GBF1: variants seen among roughly 807,000 people sequenced by gnomAD.
GBF1 encodes Golgi-specific brefeldin A-resistance guanine nucleotide exchange factor 1.
In GBF1, 114 loss-of-function variants were observed where a neutral mutation model predicts 210.5. The observed-to-expected ratio is 0.54, with a 90% CI of 0.47 to 0.63. GBF1 has a LOEUF of 0.63. Among genes scored for constraint, GBF1 ranks in the 30% least tolerant of loss-of-function variants. The pLI is 0.00. For missense variants in GBF1, 1,851 were observed against 2,357.7 expected (o/e 0.79, Z 4.45); for synonymous variants, 850 against 889.2 (o/e 0.96, Z 0.78).
At chr10:102,368,651 G>C (rs1449373100) in intron 22 of GBF1, 88 bp from the exon 23 acceptor site, 3 of 951,146 alleles carry the variant, frequency 3.2e-6, no homozygotes, top group African/African-American at 1.6e-5. Context: ...GGACTGACTG[G>C]GGAAGAGCCC....
intron 3 of GBF1, among the ~76,000 whole-genome samples, chr10:102,302,203 G>A (rs936587094): frequency 1.3e-5 from 2 of 152,200 alleles, no homozygotes; most frequent in South Asian, 2.1e-4. Flanking sequence ...GCAGTGAGCC[G>A]AGATGGCGGG....
At chr10:102,301,508 C>T (rs1336184307) in intron 3 of GBF1, among the ~76,000 whole-genome samples, 7 of 152,156 alleles carry the variant, frequency 4.6e-5, no homozygotes, top group African/African-American at 9.7e-5. Flanking sequence ...ACCTCCCAGA[C>T]GGGGCGGCTG....
At chr10:102,299,262 GA>G (rs1315912144) in intron 3 of GBF1, among the ~76,000 whole-genome samples, 2 of 152,150 alleles carry the variant, frequency 1.3e-5, no homozygotes, top group South Asian at 2.1e-4. Flanking sequence ...TAGCATTCTG[GA>G]AAAGGCAAAA....
chr10:102,234,912 C>T, the GBF1 span, among the ~76,000 whole-genome samples: 6 of 152,204 alleles, frequency 3.9e-5, no homozygotes, highest in East Asian at 1.9e-4. Context: ...GGGATATGGG[C>T]GAGGAAAAGC....
chr10:102,285,271 A>G (rs1316641224), intron 3 of GBF1, among the ~76,000 whole-genome samples: 2 of 152,218 alleles, frequency 1.3e-5, no homozygotes, highest in Admixed American at 1.3e-4. Flanking sequence ...AGAATCCTGG[A>G]CCAGGCAATA....
At chr10:102,233,145 C>T in the GBF1 span, among the ~76,000 whole-genome samples, 6 of 152,052 alleles carry the variant, frequency 3.9e-5, no homozygotes, top group Non-Finnish European at 7.4e-5. Flanking sequence ...CAACTCAGAA[C>T]GCTTGTTTTC....
At chr10:102,232,817 T>C in the GBF1 span, among the ~76,000 whole-genome samples, 1 of 152,214 alleles carries the variant, frequency 6.6e-6, no homozygotes, top group African/African-American at 2.4e-5. Context: ...CAATCATACC[T>C]GAGACACAGA....
intron 7 of GBF1, 80 bp from the exon 8 acceptor site, chr10:102,353,520 C>A: frequency 2.2e-6 from 2 of 925,016 alleles, no homozygotes; most frequent in Non-Finnish European, 1.8e-6. Flanking sequence ...TGGCTCAGAG[C>A]ACCTTTGGTT....
At chr10:102,237,803 A>G in the GBF1 span, among the ~76,000 whole-genome samples, 4 of 152,032 alleles carry the variant, frequency 2.6e-5, no homozygotes, top group Non-Finnish European at 4.4e-5. Flanking sequence ...CCCAATCTTC[A>G]AGTGATATCA....
At chr10:102,380,207 C>T in intron 36 of GBF1, 42 bp from the exon 37 acceptor site, 6 of 1,323,206 alleles carry the variant, frequency 4.5e-6, no homozygotes, top group Non-Finnish European at 6.6e-6. Flanking sequence ...GGTCCAGAGG[C>T]TCCTACAGTC....
At chr10:102,290,320 C>T (rs2076329533) in intron 3 of GBF1, among the ~76,000 whole-genome samples, 1 of 152,046 alleles carries the variant, frequency 6.6e-6, no homozygotes, top group African/African-American at 2.4e-5. Flanking sequence ...AGCATTATTT[C>T]ATACAGAATT....
At chr10:102,376,832 G>A (rs1365649185) in intron 32 of GBF1, 32 bp downstream of exon 32, 1 of 1,609,486 alleles carries the variant, frequency 6.2e-7, no homozygotes, top group South Asian at 1.1e-5. Context: ...CAGCTGGGGA[G>A]TAGCCATGCA....
At chr10:102,247,058 G>A (rs989906122) in intron 1 of GBF1, among the ~76,000 whole-genome samples, 1 of 152,178 alleles carries the variant, frequency 6.6e-6, no homozygotes, top group Non-Finnish European at 1.5e-5. Context: ...TTCAGTATGT[G>A]ATCAGGACTT....
Position 102,358,514 on chromosome 10 carries a change from C to A in GBF1, c.796C>A (p.Pro266Thr). The change falls in exon 10 of 40, where the codon CCC becomes ACC. Residue 266 changes from proline (P) to threonine (T), a missense_variant. Transcript: ENST00000369983. ...TLSSNLTGGM[P>T]FIDVPTPISS... ...CATACTTTTCTTGGCAGGTGGCATG[C>A]CCTTCATTGATGTGCCCACTCCCAT... 1.9e-6 allele frequency: 3 copies of A among 1,611,344 alleles called. No individual in the cohort carries two copies.
rs558467985 is a variant in GBF1 at position 102,249,107 on chromosome 10, G to A, written c.-11+3326G>A. On this transcript the variant is annotated intron_variant, in intron 1 of 39. Coordinates refer to ENST00000369983, the MANE Select transcript of GBF1 (RefSeq NM_001377137.1). ...AAAAGTATTTTTAAGCCTTTTTCAG[G>A]CCAAAGAAAATATGTCTGTGGACTG... 5.3e-5 allele frequency among the ~76,000 whole-genome samples: 8 copies of A among 152,244 alleles called. No homozygotes were observed. In the East Asian group the frequency reaches 1.2e-3, roughly 22 times the overall value.
intron 17 of GBF1, 87 bp from the exon 18 acceptor site, chr10:102,365,310 C>A: frequency 1.0e-6 from 1 of 953,472 alleles, no homozygotes; most frequent in Non-Finnish European, 1.7e-6. Flanking sequence ...AGCTGACCAA[C>A]TGTGGGTGGG....
intron 3 of GBF1, among the ~76,000 whole-genome samples, chr10:102,288,745 A>AC (rs955860192): frequency 6.6e-6 from 1 of 151,330 alleles, no homozygotes; most frequent in Non-Finnish European, 1.5e-5. Context: ...ACAAAAAAAA[A>AC]AAACGAAATT....
In GBF1 at chr10:102,365,467, G is replaced by A. The variant is rs1047937164; in HGVS notation, c.2177G>A (p.Gly726Asp). ...GGGATTCAGTTTCTGCAAGAGAAAG[G>A]CCTCCTCACCATCCCAATGGACAAC... The part of the protein sequence containing the change: ...KKGIQFLQEK[G>D]LLTIPMDNTE... Residue 726 changes from glycine (G) to aspartate (D), a missense_variant, in exon 18 of 40, where the codon GGC becomes GAC. Gly to Asp is a moderately conservative substitution (Grantham distance 94). Around this residue, in one of 3 missense-constraint regions of GBF1, gnomAD observed 804 missense variants for 958.6 expected, o/e 0.84. Coordinates refer to ENST00000369983, the MANE Select transcript of GBF1 (RefSeq NM_001377137.1). 2 of 1,614,048 alleles carry A rather than the reference G, an allele frequency of 1.2e-6. No individual in the cohort carries two copies. Among genetic ancestry groups the A allele is most frequent in the Non-Finnish European group, 1.7e-6 (2 of 1,179,872 alleles).
Position 102,370,415 on chromosome 10 carries a change from C to T in GBF1, c.3443C>T (p.Thr1148Ile). 1 of 1,613,024 alleles carries T rather than the reference C, an allele frequency of 6.2e-7. No homozygotes were observed. Among genetic ancestry groups the T allele is most frequent in the Non-Finnish European group, 8.5e-7 (1 of 1,178,974 alleles). ...GTCTCAGTGACACCAGATGAAGAGA[C>T]ATATGATGAGGAAGATGCTGCTTTC... is the stretch of plus-strand genomic sequence containing the variant. ...ALVSVTPDEETYDEEDAAFCL... is the reference protein window; with the variant it reads ...ALVSVTPDEEIYDEEDAAFCL... The change falls in exon 28 of 40, where the codon ACA becomes ATA. Residue 1148 changes from threonine (T) to isoleucine (I), a missense_variant. Transcript: ENST00000369983.
Sources: allele counts gnomAD v4.1 joint callset (sites outside exome capture counted in the v4.1 genomes callset), GRCh38; gene constraint gnomAD v4.1.1; regional missense constraint gnomAD v4.1.1; transcripts MANE v1.5; gene names NCBI Gene and HGNC (gene_info 2026-07-23, HGNC 2026-07-21).